IKBKE: variants seen among roughly 807,000 people sequenced by gnomAD.
IKBKE encodes the protein inhibitor of nuclear factor kappa B kinase subunit epsilon.
Under a neutral mutation model 92.1 loss-of-function variants are expected in IKBKE, and 45 were observed. The observed-to-expected ratio is 0.49, with a 90% CI of 0.38 to 0.63. IKBKE has a LOEUF of 0.63. Among genes scored for constraint, IKBKE ranks in the 20% least tolerant of loss-of-function variants. The pLI is 0.00. For missense variants in IKBKE, 700 were observed against 932.8 expected (o/e 0.75, Z 3.25); for synonymous variants, 374 against 380.3 (o/e 0.98, Z 0.19).
chr1:206,490,928 A>G lies in IKBKE; in HGVS notation c.1733+70A>G, dbSNP rs377263034. ...TGTCCTCAGGGCAGAGCGATTCTCA[A>G]CGCCAGAGGAGAGGCAGTGAAGGGC... On this transcript the variant is annotated intron_variant, in intron 17 of 21. Coordinates refer to ENST00000581977, the MANE Select transcript of IKBKE (RefSeq NM_014002.4). This position sits in a 1 kb window ranked among gnomAD's most constrained non-coding sequence, Gnocchi z 5.2. 4,330 of 1,401,632 alleles carry G rather than the reference A, an allele frequency of 3.1e-3. 12 individuals carry two copies. The highest frequency in any genetic ancestry group is 4.1e-3 in the Non-Finnish European group (4,075 of 988,604). The allele number at this position is 1,401,632 out of a possible 1,614,324, so 86.8% of individuals were successfully genotyped here.
chr1:206,480,702 A>G (rs1665335278), intron 13 of IKBKE, among the ~76,000 whole-genome samples, 169 bp downstream of exon 13: 1 of 152,096 alleles, frequency 6.6e-6, no homozygotes. Context: ...CCACCTCACC[A>G]AATAACTGCA....
chr1:206,473,977 A>AAAAAAAAG lies in IKBKE; in HGVS notation c.88-351_88-344dup, dbSNP rs1359169307. On this transcript the variant is annotated intron_variant, in intron 3 of 21. Coordinates refer to ENST00000581977, the MANE Select transcript of IKBKE (RefSeq NM_014002.4). Reference sequence around the variant, plus strand: ...CTCCGTCTCAAAAAAAAAAAAAAAAAAAAAAAAGAATTGGAGCCATACAGA... The same window carrying AAAAAAAAG: ...CTCCGTCTCAAAAAAAAAAAAAAAAAAAAAAAAGAAAAAAAGAATTGGAGCCATACAGA... 8.1e-4 allele frequency among the ~76,000 whole-genome samples: 123 copies of AAAAAAAAG among 151,550 alleles called. 1 individual carries two copies. The Middle Eastern group carries it at 0.011, about 13-fold the overall frequency.
rs1553390088 is a variant in IKBKE, at chr1:206,490,718, G to A, written c.1694-101G>A. The A allele has an allele frequency of 1.6e-6, 2 of 1,232,442 alleles. No individual in the cohort carries two copies. Among genetic ancestry groups the A allele is most frequent in the South Asian group, 2.4e-5 (2 of 82,404 alleles). 76.3% of individuals were successfully genotyped at this position (1,232,442 alleles called of 1,614,324 possible). On this transcript the variant is annotated intron_variant, in intron 16 of 21. Coordinates refer to ENST00000581977, the MANE Select transcript of IKBKE (RefSeq NM_014002.4). The surrounding 1 kb of genome is among the most constrained non-coding windows in gnomAD (Gnocchi z 5.2). ...CGGTGAGTTCCCGTGAAGCAGCACA[G>A]GCTGGGCCGTCTTCATCTTTTAACT...
In IKBKE at chr1:206,479,941, G is replaced by A. The variant is rs782451050; in HGVS notation, c.1248+7G>A. On this transcript the variant is annotated splice_region_variant and intron_variant, in intron 11 of 21. Transcript: ENST00000581977. ...GGATTACAACACTGCCAAGGTGAGG[G>A]GCAACCCCCAGGTGGCAGGGAGGGG... The A allele has an allele frequency of 6.2e-7, 1 of 1,613,624 alleles. No homozygotes were observed.
chr1:206,480,078 G>A lies in IKBKE; in HGVS notation c.1305G>A (p.Gly435=), dbSNP rs1553386600. Residue 435 remains glycine, a synonymous_variant, in exon 12 of 22, where the codon GGG becomes GGA. Transcript: ENST00000581977. The part of the protein sequence containing the change: ...ALRLARALLD[G]QELMFRGLHW... The stretch of plus-strand genomic sequence containing the variant: ...GGCTGGCACGGGCCCTGCTGGATGG[G>A]CAGGAGCTAATGTTTCGGGGGCTGC... 6.3e-7 allele frequency: 1 copy of A among 1,597,448 alleles called. No homozygotes were observed. The highest frequency in any genetic ancestry group is 2.2e-5 in the East Asian group (1 of 44,446).
chr1:206,480,289 G>C (rs1665306959), intron 12 of IKBKE, among the ~76,000 whole-genome samples, 158 bp from the exon 13 acceptor site: 1 of 139,422 alleles, frequency 7.2e-6, no homozygotes, highest in African/African-American at 2.7e-5. Context: ...GCGGGCTGGA[G>C]GGGGAGGCGG....
intron 18 of IKBKE, 186 bp downstream of exon 18, chr1:206,491,935 T>G (rs1665968044): frequency 5.8e-6 from 3 of 518,928 alleles, no homozygotes; most frequent in Non-Finnish European, 1.1e-5. Context: ...TAGCTCAGCT[T>G]ATTTACTCCT....
Position 206,478,966 on chromosome 1 carries a change from T to C in IKBKE, c.1016T>C (p.Val339Ala), listed in dbSNP as rs782742334. 7 of 1,613,988 alleles carry C rather than the reference T, an allele frequency of 4.3e-6. No individual in the cohort carries two copies. Among genetic ancestry groups the C allele is most frequent in the Non-Finnish European group, 5.1e-6 (6 of 1,179,980 alleles). Reference sequence around the variant, plus strand: ...AGGATAGCCATTTTCCAGGAGGCCGTGCACAAGCAGACCAGTGTGGCCCCC... The same window carrying C: ...AGGATAGCCATTTTCCAGGAGGCCGCGCACAAGCAGACCAGTGTGGCCCCC... ...HNTIAIFQEA[V>A]HKQTSVAPRH... is the part of the protein sequence containing the mutation. The change falls in exon 10 of 22, where the codon GTG (valine) becomes GCG (alanine). Residue 339 changes from valine to alanine, a missense_variant. Physicochemically the swap from Val to Ala is moderately conservative, Grantham distance 64. Coordinates refer to ENST00000581977, the MANE Select transcript of IKBKE (RefSeq NM_014002.4). This position sits in a 1 kb window ranked among gnomAD's most constrained non-coding sequence, Gnocchi z 4.8.
chr1:206,494,130 G>A, intron 21 of IKBKE, 139 bp downstream of exon 21: 1 of 673,536 alleles, frequency 1.5e-6, no homozygotes, highest in Non-Finnish European at 2.6e-6. Flanking sequence ...TTGAAGCTTA[G>A]GCATTTTCCA....
Position 206,476,385 on chromosome 1 carries a change from G to A in IKBKE, c.540+23G>A, listed in dbSNP as rs199783149. On this transcript the variant is annotated intron_variant, in intron 6 of 21. Transcript: ENST00000581977. This position sits in a 1 kb window ranked among gnomAD's most constrained non-coding sequence, Gnocchi z 5.1. ...CTGGTGGGTGAGCTGCTCGAGACCC[G>A]CTGCCCTATGCTGAGGGCTCCCCTT... 11 of 1,579,592 alleles carry A rather than the reference G, an allele frequency of 7.0e-6. No individual in the cohort carries two copies. The highest frequency in any genetic ancestry group is 1.3e-5 in the African/African-American group (1 of 74,516).
intron 18 of IKBKE, chr1:206,492,221 G>A: frequency 2.8e-6 from 1 of 353,598 alleles, no homozygotes; most frequent in South Asian, 2.1e-5. Flanking sequence ...GACAGTGGCA[G>A]TGGCCCTTAA....
chr1:206,484,875 C>T (rs1030820805), intron 13 of IKBKE, 122 bp from the exon 14 acceptor site: 13 of 765,502 alleles, frequency 1.7e-5, no homozygotes, highest in African/African-American at 3.5e-5. Flanking sequence ...CCCAGAGACC[C>T]GGAGAGCCAC....
At chr1:206,475,109 T>A in intron 5 of IKBKE, 115 bp downstream of exon 5, 2 of 1,147,700 alleles carry the variant, frequency 1.7e-6, no homozygotes, top group Non-Finnish European at 2.4e-6. Flanking sequence ...AATTCCAACT[T>A]AAAAATTAAA....
At chr1:206,472,336 G>A (rs1321153970) in intron 2 of IKBKE, among the ~76,000 whole-genome samples, 1 of 152,114 alleles carries the variant, frequency 6.6e-6, no homozygotes, top group Non-Finnish European at 1.5e-5. Context: ...TCCCAAAAAG[G>A]CCAGCACTGG....
chr1:206,480,422 T>C, intron 12 of IKBKE, 25 bp from the exon 13 acceptor site: 3 of 1,594,816 alleles, frequency 1.9e-6, no homozygotes, highest in Non-Finnish European at 2.6e-6. Flanking sequence ...TCAAGGCAGC[T>C]CTGACTCAGT....
At chr1:206,495,855 A>C (rs1666207699) in intron 21 of IKBKE, among the ~76,000 whole-genome samples, 1 of 152,152 alleles carries the variant, frequency 6.6e-6, no homozygotes, top group African/African-American at 2.4e-5. Flanking sequence ...TTTTAAACGT[A>C]CAAATGCCTG....
Position 206,476,501 on chromosome 1 carries a change from A to T in IKBKE, c.540+139A>T. 2.7e-6 allele frequency: 3 copies of T among 1,117,064 alleles called. No homozygotes were observed. In the East Asian group the frequency reaches 7.4e-5, roughly 28 times the overall value. 69.2% of individuals were successfully genotyped at this position (1,117,064 alleles called of 1,614,324 possible). A position where few individuals can be genotyped will look rare whatever the true frequency, so the allele number is the denominator to read the frequency against. Reference sequence around the variant, plus strand: ...TGTCTCTCCCCTGTACCCCAACCAGAAGAATGCATTCTGTTCTCTAAGATG... The same window carrying T: ...TGTCTCTCCCCTGTACCCCAACCAGTAGAATGCATTCTGTTCTCTAAGATG... On this transcript the variant is annotated intron_variant, in intron 6 of 21. Transcript: ENST00000581977. This position sits in a 1 kb window ranked among gnomAD's most constrained non-coding sequence, Gnocchi z 5.1.
rs41299033 is a variant in IKBKE at position 206,487,765 on chromosome 1, C to T, written c.1617-149C>T. On this transcript the variant is annotated intron_variant, in intron 15 of 21. Transcript: ENST00000581977. The surrounding 1 kb of genome is among the most constrained non-coding windows in gnomAD (Gnocchi z 5.3). ...ACGGGGTCTCAAATAAGCCTAGAGACGGGACAGCCACCTCCACTCCCAGAC... is the reference window on the plus strand; with the variant it reads ...ACGGGGTCTCAAATAAGCCTAGAGATGGGACAGCCACCTCCACTCCCAGAC... 9.9e-4 allele frequency: 617 copies of T among 620,516 alleles called. 2 individuals are homozygous for T. Among genetic ancestry groups the T allele is most frequent in the African/African-American group, 9.4e-3 (511 of 54,604 alleles). 38.4% of individuals were successfully genotyped at this position (620,516 alleles called of 1,614,324 possible).
intron 21 of IKBKE, among the ~76,000 whole-genome samples, chr1:206,495,138 C>T (rs567050067): frequency 5.3e-5 from 8 of 152,160 alleles, no homozygotes; most frequent in African/African-American, 1.2e-4. Flanking sequence ...CACACGTGCA[C>T]GCATCTCCCA....
Sources: allele counts gnomAD v4.1 joint callset (sites outside exome capture counted in the v4.1 genomes callset), GRCh38; gene constraint gnomAD v4.1.1; non-coding constraint Gnocchi (gnomAD v3.1); transcripts MANE v1.5; gene names NCBI Gene and HGNC (gene_info 2026-07-23, HGNC 2026-07-21).